The following MSI2 variants were observed in gnomAD, a reference collection of about 807,000 sequenced individuals.
MSI2 encodes RNA-binding protein Musashi homolog 2.
A neutral mutation model predicts 45.6 loss-of-function variants in MSI2; 17 were observed. That is an observed-to-expected ratio of 0.37 (90% CI 0.26 to 0.56). The LOEUF (loss-of-function observed/expected upper bound fraction) is 0.56, where lower values mean the gene tolerates loss of function less well. Among genes scored for constraint, MSI2 ranks in the 20% least tolerant of loss-of-function variants. The pLI is 0.77. For missense variants in MSI2, 293 were observed against 444.2 expected (o/e 0.66, Z 3.06); for synonymous variants, 156 against 158.2 (o/e 0.99, Z 0.11).
chr17:57,368,784 G>A (rs1248898744), intron 5 of MSI2, among the ~76,000 whole-genome samples: 1 of 152,176 alleles, frequency 6.6e-6, no homozygotes, highest in African/African-American at 2.4e-5. Context: ...GATAACAGGT[G>A]CTTGTGAGTG....
chr17:57,321,814 T>A (rs1913366216), intron 5 of MSI2, among the ~76,000 whole-genome samples: 1 of 152,110 alleles, frequency 6.6e-6, no homozygotes, highest in South Asian at 2.1e-4. Flanking sequence ...TTTTTTTTTT[T>A]GAGACTGGGT....
chr17:57,672,678 A>G (rs1912887293), intron 11 of MSI2, among the ~76,000 whole-genome samples: 1 of 152,180 alleles, frequency 6.6e-6, no homozygotes, highest in African/African-American at 2.4e-5. Context: ...ACCCCATCCT[A>G]TTAGCCTAAA....
chr17:57,613,538 A>G (rs1907376336), intron 8 of MSI2, among the ~76,000 whole-genome samples: 2 of 152,174 alleles, frequency 1.3e-5, no homozygotes, highest in Admixed American at 6.5e-5. Context: ...TAGAGGTAAG[A>G]TTACTAGGTG....
chr17:57,367,150 G>A (rs1407355912), intron 5 of MSI2, among the ~76,000 whole-genome samples: 2 of 152,216 alleles, frequency 1.3e-5, no homozygotes, highest in East Asian at 3.8e-4. Context: ...GAATGAGGCA[G>A]CATTTTGGTA....
At chr17:57,582,873 A>G (rs948741212) in intron 7 of MSI2, among the ~76,000 whole-genome samples, 2 of 152,228 alleles carry the variant, frequency 1.3e-5, no homozygotes, top group Non-Finnish European at 2.9e-5. Context: ...GTCTGCAGAT[A>G]TGAGAGCTTT....
chr17:57,461,394 T>C (rs2085224993), intron 6 of MSI2, among the ~76,000 whole-genome samples: 1 of 152,116 alleles, frequency 6.6e-6, no homozygotes. Context: ...TATTAAAAAA[T>C]TAATCCTCCT....
intron 5 of MSI2, among the ~76,000 whole-genome samples, chr17:57,352,199 A>T (rs1234207036): frequency 6.6e-6 from 1 of 152,226 alleles, no homozygotes; most frequent in South Asian, 2.1e-4. Context: ...ATGTTAAGTC[A>T]TGAACCTGGA....
intron 5 of MSI2, among the ~76,000 whole-genome samples, chr17:57,291,649 T>C (rs1254100515): frequency 6.6e-6 from 1 of 152,186 alleles, no homozygotes; most frequent in Non-Finnish European, 1.5e-5. Context: ...TTCTTATGTG[T>C]GGAGATGACA....
intron 5 of MSI2, among the ~76,000 whole-genome samples, chr17:57,308,489 A>C (rs972299544): frequency 1.6e-4 from 25 of 152,218 alleles, no homozygotes; most frequent in Admixed American, 4.6e-4. Context: ...GGCTTACCCG[A>C]CATTCAGTAA....
intron 11 of MSI2, among the ~76,000 whole-genome samples, chr17:57,663,009 C>G (rs572017425): frequency 8.5e-5 from 13 of 152,244 alleles, no homozygotes; most frequent in Non-Finnish European, 1.9e-4. Context: ...CACGGGCGGG[C>G]TTCTCTGGGA....
chr17:57,520,814 C>A (rs988675634), intron 6 of MSI2, among the ~76,000 whole-genome samples: 1 of 97,542 alleles, frequency 1.0e-5, no homozygotes, highest in Non-Finnish European at 2.0e-5. Flanking sequence ...CCACGACACC[C>A]AACTAAATTT....
chr17:57,413,333 T>C (rs2143216836), intron 6 of MSI2, among the ~76,000 whole-genome samples: 1 of 152,202 alleles, frequency 6.6e-6, no homozygotes, highest in African/African-American at 2.4e-5. Context: ...TTTTATGCAA[T>C]TTTGGTGGGA....
At chr17:57,492,835 G>A (rs1205610949) in intron 6 of MSI2, among the ~76,000 whole-genome samples, 1 of 152,220 alleles carries the variant, frequency 6.6e-6, no homozygotes, top group Non-Finnish European at 1.5e-5. Context: ...GACCTCAGGT[G>A]ATCCACCTGG....
chr17:57,579,319 C>G (rs558818431), intron 7 of MSI2, among the ~76,000 whole-genome samples: 1 of 152,182 alleles, frequency 6.6e-6, no homozygotes, highest in African/African-American at 2.4e-5. Flanking sequence ...TTGGGGAAAG[C>G]TCTGCTGTCG....
chr17:57,371,228 T>C (rs1216748412), intron 5 of MSI2, among the ~76,000 whole-genome samples: 1 of 152,246 alleles, frequency 6.6e-6, no homozygotes, highest in Non-Finnish European at 1.5e-5. Flanking sequence ...TTGTAATGTT[T>C]ATTCCATTCA....
chr17:57,601,955 T>G (rs1905928488), intron 8 of MSI2: 1 of 152,250 alleles, frequency 6.6e-6, no homozygotes, highest in South Asian at 2.1e-4. Context: ...TGTGTCATTC[T>G]GGTTCCGAAC....
Position 57,401,423 on chromosome 17 carries a change from G to A in MSI2, c.357G>A (p.Ala119=), listed in dbSNP as rs753720492. ...TKKIFVGGLS[A]NTVVEDVKQY... ...AAATATTTGTAGGCGGGTTATCTGC[G>A]AACACAGTAGTGGAAGATGTAAAGC... The change falls in exon 6 of 14, where the codon GCG becomes GCA. Residue 119 remains alanine (A), a synonymous_variant. Transcript: ENST00000284073. 4 of 1,614,194 alleles carry A rather than the reference G, an allele frequency of 2.5e-6. No individual in the cohort carries two copies. Among genetic ancestry groups the A allele is most frequent in the East Asian group, 4.5e-5 (2 of 44,892 alleles).
At chr17:57,687,837 T>A (rs553621201), downstream of MSI2, among the ~76,000 whole-genome samples, 2 of 152,220 alleles carry the variant, frequency 1.3e-5, no homozygotes, top group South Asian at 4.1e-4. Flanking sequence ...CTAGTAGAAT[T>A]CTACAATATA....
chr17:57,257,211 T>TCGGGGGGGGG, intron 2 of MSI2, 73 bp downstream of exon 2: 1 of 569,828 alleles, frequency 1.8e-6, no homozygotes, highest in East Asian at 5.3e-5. Flanking sequence ...TATCCCGGTG[T>TCGGGGGGGGG]AGGAGCCCCC....
Sources: gnomAD v4.1 joint callset for allele counts (sites outside exome capture counted in the v4.1 genomes callset) on GRCh38, gnomAD v4.1.1 for gene constraint, MANE v1.5 for transcripts, NCBI Gene and HGNC (gene_info 2026-07-23, HGNC 2026-07-21) for gene names.